RFX6: variants seen among roughly 807,000 people sequenced by gnomAD.
RFX6 encodes the protein DNA-binding protein RFX6.
In RFX6, 50 loss-of-function variants were observed where a neutral mutation model predicts 110.8. That is an observed-to-expected ratio of 0.45 (90% CI 0.36 to 0.57). The LOEUF (loss-of-function observed/expected upper bound fraction) is 0.57, where lower values mean the gene tolerates loss of function less well. RFX6 is among the 20% of genes least tolerant of loss of function. The pLI, the probability that RFX6 is intolerant of heterozygous loss-of-function variation, is 0.00. For missense variants in RFX6, 990 were observed against 1,127.0 expected, an observed-to-expected ratio of 0.88 and a Z score of 1.74; for synonymous variants, 383 against 411.2, an observed-to-expected ratio of 0.93 and a Z score of 0.83.
chr6:116,907,845 G>A (rs551102674), intron 6 of RFX6, among the ~76,000 whole-genome samples: 1 of 151,968 alleles, frequency 6.6e-6, no homozygotes, highest in Non-Finnish European at 1.5e-5. Flanking sequence ...AACAATTATT[G>A]TAAAACTGTT....
In RFX6 at chr6:116,927,679, T is replaced by G. The variant is rs144691682; in HGVS notation, c.2398+140T>G. ...TCATGGAATCTTAGACATTTGGAGCTGATTTCTGTCACATACATATATATT... is the reference window on the plus strand; with the variant it reads ...TCATGGAATCTTAGACATTTGGAGCGGATTTCTGTCACATACATATATATT... On this transcript the variant is annotated intron_variant, in intron 17 of 18. Transcript: ENST00000332958. 597 of 752,984 alleles carry G rather than the reference T, an allele frequency of 7.9e-4. 1 individual carries two copies. The highest frequency in any genetic ancestry group is 6.1e-3 in the African/African-American group (350 of 57,172). The allele number at this position is 752,984 out of a possible 1,614,324, so 46.6% of individuals were successfully genotyped here.
chr6:116,877,301 A>G lies in RFX6; in HGVS notation c.26A>G (p.Asp9Gly). ...ATGGCCAAGGTCCCGGAGCTGGAAGACACCTTCCTGCAGGCGCAGCCTGCG... is the reference window on the plus strand; with the variant it reads ...ATGGCCAAGGTCCCGGAGCTGGAAGGCACCTTCCTGCAGGCGCAGCCTGCG... MAKVPELE[D>G]TFLQAQPAPQ... is the part of the protein sequence containing the mutation. Residue 9 changes from aspartate to glycine, a missense_variant, in exon 1 of 19, where the codon GAC becomes GGC. Asp to Gly is a moderately conservative substitution (Grantham distance 94, BLOSUM62 -1). Transcript: ENST00000332958. 1 of 1,612,222 alleles carries G rather than the reference A, an allele frequency of 6.2e-7. No homozygotes were observed. Among genetic ancestry groups the G allele is most frequent in the South Asian group, 1.1e-5 (1 of 90,854 alleles).
intron 6 of RFX6, among the ~76,000 whole-genome samples, chr6:116,910,129 A>G (rs2114687726): frequency 6.6e-6 from 1 of 152,284 alleles, no homozygotes; most frequent in South Asian, 2.1e-4. Context: ...TATTATATTC[A>G]TAATTTCATT....
rs1775885382 is a variant in RFX6, at chr6:116,931,534, A to G, written c.*28A>G. ...CACCAATGTGGGAGGGGGTGCTAAA[A>G]CTTTAAAAAAAATCTCTACTGTGCA... On this transcript the variant is annotated 3_prime_UTR_variant, in exon 19 of 19. Transcript: ENST00000332958. The G allele has an allele frequency of 6.4e-7, 1 of 1,550,732 alleles. No individual in the cohort carries two copies. The highest frequency in any genetic ancestry group is 8.9e-7 in the Non-Finnish European group (1 of 1,127,774).
intron 6 of RFX6, among the ~76,000 whole-genome samples, chr6:116,897,211 C>T (rs1025668715): frequency 7.9e-5 from 12 of 152,076 alleles, no homozygotes; most frequent in African/African-American, 2.9e-4. Context: ...GATGGAATAG[C>T]ATAGGCCAGG....
chr6:116,890,789 G>T (rs1294782854), intron 4 of RFX6, among the ~76,000 whole-genome samples: 1 of 151,994 alleles, frequency 6.6e-6, no homozygotes, highest in African/African-American at 2.4e-5. Context: ...ACGGTTTTTT[G>T]AGTATATATA....
intron 2 of RFX6, among the ~76,000 whole-genome samples, chr6:116,878,584 T>C (rs1774518946): frequency 6.6e-6 from 1 of 151,998 alleles, no homozygotes; most frequent in Non-Finnish European, 1.5e-5. Flanking sequence ...GATTTCCACA[T>C]AGAGTGAACA....
At chr6:116,926,938 C>T in intron 16 of RFX6, 89 bp from the exon 17 acceptor site, 6 of 1,228,408 alleles carry the variant, frequency 4.9e-6, no homozygotes, top group South Asian at 2.5e-5. Context: ...GAAAACAATA[C>T]ATTAATAAAT....
Position 116,925,484 on chromosome 6 carries a change from G to A in RFX6, c.1710G>A (p.Pro570=), listed in dbSNP as rs773189547. The change falls in exon 16 of 19, where the codon CCG becomes CCA. Residue 570 remains proline, a synonymous_variant. Transcript: ENST00000332958. The part of the protein sequence containing the change: ...DASKAAFTAS[P]SSCFLANRNK... ...GTAAAGCTGCTTTCACTGCTTCTCC[G>A]AGTTCATGCTTTCTGGCCAACCGTA... 10 of 1,613,936 alleles carry A rather than the reference G, an allele frequency of 6.2e-6. No homozygotes were observed. Among genetic ancestry groups the A allele is most frequent in the South Asian group, 3.3e-5 (3 of 91,070 alleles).
At position 116,916,249 on chromosome 6, in the gene RFX6, C is replaced by T; in HGVS notation, c.907C>T (p.Leu303Phe). The change falls in exon 9 of 19, where the codon CTT becomes TTT. Residue 303 changes from leucine (L) to phenylalanine (F), a missense_variant. Coordinates refer to ENST00000332958, the MANE Select transcript of RFX6 (RefSeq NM_173560.4). ...HFWQGMPDHL[L>F]PLLENPVIID... The stretch of plus-strand genomic sequence containing the variant: ...TTGGCAAGGAATGCCTGACCATCTC[C>T]TTCCCCTGCTCGAAAATCCTGTTAT... 2 of 1,612,920 alleles carry T rather than the reference C, an allele frequency of 1.2e-6. No individual in the cohort carries two copies. The highest frequency in any genetic ancestry group is 2.7e-5 in the African/African-American group (2 of 74,884).
Position 116,897,545 on chromosome 6 carries a change from G to A in RFX6, c.672+2338G>A, listed in dbSNP as rs74488766. 3.3e-3 allele frequency among the ~76,000 whole-genome samples: 496 copies of A among 152,230 alleles called. 5 individuals carry two copies. Among genetic ancestry groups the A allele is most frequent in the Middle Eastern group, 0.017 (5 of 294 alleles). On this transcript the variant is annotated intron_variant, in intron 6 of 18. Coordinates refer to ENST00000332958, the MANE Select transcript of RFX6 (RefSeq NM_173560.4). The stretch of plus-strand genomic sequence containing the variant: ...GCTGGATTGTTTGTAGTCTCATTAG[G>A]TTAAGAATTCTGTAATGGGAAGCCA...
chr6:116,918,558 CAAAA>C lies in RFX6; in HGVS notation c.1022+481_1022+484del, dbSNP rs200371571. 1.6e-3 allele frequency among the ~76,000 whole-genome samples: 168 copies of C among 103,508 alleles called. 1 individual carries two copies. The East Asian group carries it at 0.042, about 26-fold the overall frequency. 67.9% of individuals were successfully genotyped at this position (103,508 alleles called of 152,430 possible). On this transcript the variant is annotated intron_variant, in intron 10 of 18. Transcript: ENST00000332958. The stretch of plus-strand genomic sequence containing the variant: ...ATTGAAACAATACCAGAAGATTTTT[CAAAA>C]AAAAAAAACCTTTTCAATATAAGAA...
Position 116,931,472 on chromosome 6 carries a change from C to A in RFX6, c.2753C>A (p.Thr918Asn). Residue 918 changes from threonine to asparagine, a missense_variant, in exon 19 of 19, where the codon ACT (threonine) becomes AAT (asparagine). Physicochemically the swap from Thr to Asn is moderately conservative, Grantham distance 65. Coordinates refer to ENST00000332958, the MANE Select transcript of RFX6 (RefSeq NM_173560.4). ...GTGTCCTCTTTACCACCTATCAACA[C>A]TGTGTTCATGGGAACAGCAGCTGGA... ...EMVSSLPPIN[T>N]VFMGTAAGGT The A allele has an allele frequency of 3.1e-6, 5 of 1,613,648 alleles. No individual in the cohort carries two copies. In the South Asian group the frequency reaches 5.5e-5, roughly 18 times the overall value.
intron 9 of RFX6, among the ~76,000 whole-genome samples, chr6:116,917,338 G>GTTTT (rs5879394): frequency 8.6e-5 from 12 of 139,250 alleles, no homozygotes; most frequent in African/African-American, 3.1e-4. Context: ...GGATTGTCTT[G>GTTTT]TTTTTTTTTT....
chr6:116,929,444 T>C (rs913894736), intron 18 of RFX6, among the ~76,000 whole-genome samples: 1 of 152,148 alleles, frequency 6.6e-6, no homozygotes, highest in African/African-American at 2.4e-5. Context: ...GCTACTAGCA[T>C]TTTCTCATTC....
intron 4 of RFX6, among the ~76,000 whole-genome samples, 182 bp from the exon 5 acceptor site, chr6:116,893,805 G>A (rs1457584134): frequency 2.0e-5 from 3 of 152,168 alleles, no homozygotes; most frequent in Non-Finnish European, 4.4e-5. Context: ...ATAAGTAGGA[G>A]TAGTGACTAT....
intron 5 of RFX6, among the ~76,000 whole-genome samples, chr6:116,894,705 G>A (rs941328788): frequency 5.3e-5 from 8 of 152,082 alleles, no homozygotes; most frequent in African/African-American, 1.7e-4. Context: ...ATAATTAGAT[G>A]TGTATCTGAG....
intron 6 of RFX6, among the ~76,000 whole-genome samples, chr6:116,902,422 G>A (rs1221991093): frequency 2.0e-5 from 3 of 152,050 alleles, no homozygotes; most frequent in Non-Finnish European, 2.9e-5. Context: ...TGGTAAGAGC[G>A]TTACTACTTA....
rs1259865047 is a variant in RFX6, at chr6:116,927,393, C to T, written c.2252C>T (p.Ser751Phe). Residue 751 changes from serine (S) to phenylalanine (F), a missense_variant, in exon 17 of 19, where the codon TCC (serine) becomes TTC (phenylalanine). By Grantham distance (155) the Ser-to-Phe change is radical. This residue lies in a region of RFX6 where 438 missense variants were observed against 441.9 expected (regional missense o/e 0.99). Coordinates refer to ENST00000332958, the MANE Select transcript of RFX6 (RefSeq NM_173560.4). ...SGSCAGSPYN[S>F]RPPSSYGPSL... is the part of the protein sequence containing the mutation. ...AGCTGTGCGGGGTCTCCATATAACT[C>T]CCGGCCACCGTCTAGCTATGGCCCA... The T allele has an allele frequency of 4.3e-6, 7 of 1,613,968 alleles. No homozygotes were observed. The East Asian group carries it at 8.9e-5, about 21-fold the overall frequency.
Sources: gnomAD v4.1 joint callset for allele counts (sites outside exome capture counted in the v4.1 genomes callset) on GRCh38, gnomAD v4.1.1 for gene constraint, gnomAD v4.1.1 regional missense constraint, MANE v1.5 for transcripts, NCBI Gene and HGNC (gene_info 2026-07-23, HGNC 2026-07-21) for gene names.